Variants in ITIH5 observed in about 807,000 individuals in gnomAD.
The protein encoded by ITIH5 is inter-alpha-trypsin inhibitor heavy chain 5.
Under a neutral mutation model 77.5 loss-of-function variants are expected in ITIH5, and 65 were observed. The ratio of observed to expected loss-of-function variants is 0.84; its 90% confidence interval spans 0.69 to 1.03. The LOEUF is 1.03. Among genes scored for constraint, ITIH5 ranks in the 50% least tolerant of loss-of-function variants. ITIH5 has a pLI of 0.00. For synonymous variants in ITIH5, 525 were observed against 494.3 expected (o/e 1.06, Z -0.82); for missense variants, 1,208 against 1,213.1 (o/e 1.00, Z 0.06).
At position 7,560,834 on chromosome 10, in the gene ITIH5, A is replaced by G. The variant is rs1314062108; in HGVS notation, c.*2249T>C. ...ATGGTGAAACAGGGTCAAAGCAAAC[A>G]AAATGATTCTGGAGGTTCAGTGTAG... is the stretch of plus-strand genomic sequence containing the variant. On this transcript the variant is annotated 3_prime_UTR_variant, in exon 14 of 14. Coordinates refer to ENST00000397146, the MANE Select transcript of ITIH5 (RefSeq NM_030569.7). 1.3e-5 allele frequency: 2 copies of G among 152,202 alleles called. No homozygotes were observed. Among genetic ancestry groups the G allele is most frequent in the African/African-American group, 4.8e-5 (2 of 41,450 alleles). 9.4% of individuals were successfully genotyped at this position (152,202 alleles called of 1,614,324 possible). A position where few individuals can be genotyped will look rare whatever the true frequency, so the allele number is the denominator to read the frequency against.
intron 7 of ITIH5, among the ~76,000 whole-genome samples, chr10:7,603,620 GTCGTCCAGGCTGGAGTGCAGTGGCGCGA>G (rs1456268226): frequency 6.6e-6 from 1 of 152,146 alleles, no homozygotes; most frequent in Non-Finnish European, 1.5e-5. Context: ...GTCTCGCTCT[GTCGTCCAGGCTGGAGTGCAGTGGCGCGA>G]TCTTGGCTCA....
chr10:7,644,945 TATATATCACAC>T (rs1291255641), intron 2 of ITIH5, among the ~76,000 whole-genome samples: 4,006 of 12,778 alleles, frequency 0.31, 383 homozygotes, highest in African/African-American at 0.45. Context: ...ATCACATATA[TATATATCACAC>T]ATATATATAT....
At chr10:7,589,820 T>C (rs1476976000) in intron 7 of ITIH5, among the ~76,000 whole-genome samples, 1 of 151,886 alleles carries the variant, frequency 6.6e-6, no homozygotes, top group African/African-American at 2.4e-5. Context: ...GCAGAAGACA[T>C]TGTCAAGTCT....
chr10:7,565,941 T>C lies in ITIH5; in HGVS notation c.2527+89A>G, dbSNP rs933051981. On this transcript the variant is annotated intron_variant, in intron 13 of 13. Transcript: ENST00000397146. ...ACCACATTCCTATTGAATTTCTCAA[T>C]CAAACGAAAGGTGTTGGCAATATCA... 1.1e-5 allele frequency: 16 copies of C among 1,505,582 alleles called. No homozygotes were observed. The African/African-American group carries it at 2.2e-4, about 21-fold the overall frequency. The allele number at this position is 1,505,582 out of a possible 1,614,324, so 93.3% of individuals were successfully genotyped here. A position where few individuals can be genotyped will look rare whatever the true frequency, so the allele number is the denominator to read the frequency against.
At chr10:7,628,557 C>CCAT (rs1367968110) in intron 5 of ITIH5, among the ~76,000 whole-genome samples, 1 of 148,566 alleles carries the variant, frequency 6.7e-6, no homozygotes, top group Non-Finnish European at 1.5e-5. Context: ...ACCATGTATT[C>CCAT]GTGTTGTGAC....
Position 7,563,681 on chromosome 10 carries a change from G to C in ITIH5, c.2528-297C>G, listed in dbSNP as rs555588576. Among the ~76,000 whole-genome samples the C allele has an allele frequency of 5.8e-4, 88 of 152,220 alleles. 1 individual carries two copies. Among genetic ancestry groups the C allele is most frequent in the Non-Finnish European group, 1.1e-3 (77 of 68,030 alleles). On this transcript the variant is annotated intron_variant, in intron 13 of 13. Transcript: ENST00000397146. ...GTCTCCTACTGAGTCCAGAGGACAG[G>C]ACGGGGCATATGAAGAGGGAAGTAG...
intron 4 of ITIH5, among the ~76,000 whole-genome samples, chr10:7,640,057 T>C (rs1214508275): frequency 7.0e-6 from 1 of 143,010 alleles, no homozygotes; most frequent in Non-Finnish European, 1.5e-5. Context: ...CCTTTCTTTA[T>C]AGCAAAGAGT....
chr10:7,661,313 G>A (rs753349375), intron 1 of ITIH5, among the ~76,000 whole-genome samples: 4 of 152,140 alleles, frequency 2.6e-5, no homozygotes, highest in African/African-American at 7.2e-5. Flanking sequence ...GAAGTCATGC[G>A]TTCCTAGAGG....
At chr10:7,639,388 T>C (rs536115699) in intron 4 of ITIH5, among the ~76,000 whole-genome samples, 5 of 152,354 alleles carry the variant, frequency 3.3e-5, no homozygotes, top group African/African-American at 1.2e-4. Flanking sequence ...AAACGTGGAA[T>C]TTTGTGCCTT....
At chr10:7,641,348 G>C (rs1833881533) in intron 3 of ITIH5, among the ~76,000 whole-genome samples, 2 of 152,036 alleles carry the variant, frequency 1.3e-5, no homozygotes, top group South Asian at 4.2e-4. Flanking sequence ...CTCTTGGTCT[G>C]ACTTGCCATC....
At chr10:7,601,306 C>A (rs1349122511) in intron 7 of ITIH5, among the ~76,000 whole-genome samples, 1 of 152,102 alleles carries the variant, frequency 6.6e-6, no homozygotes, top group Non-Finnish European at 1.5e-5. Context: ...AGAGAGAGGG[C>A]CAGCCCAGGG....
chr10:7,612,495 A>G (rs188907625), intron 7 of ITIH5, among the ~76,000 whole-genome samples: 144 of 152,310 alleles, frequency 9.5e-4, no homozygotes, highest in African/African-American at 3.3e-3. Flanking sequence ...ATTTAATGCC[A>G]TAAGATATAT....
At chr10:7,568,691 G>A (rs1832235440) in intron 12 of ITIH5, among the ~76,000 whole-genome samples, 1 of 152,182 alleles carries the variant, frequency 6.6e-6, no homozygotes, top group Non-Finnish European at 1.5e-5. Context: ...AAGTGCCGGG[G>A]TGCCCACTCC....
At chr10:7,614,343 G>A (rs562285626) in intron 7 of ITIH5, among the ~76,000 whole-genome samples, 16 of 152,288 alleles carry the variant, frequency 1.1e-4, no homozygotes, top group South Asian at 1.0e-3. Context: ...ACATTAGTTC[G>A]ACATTATATT....
chr10:7,576,726 C>G lies in ITIH5; in HGVS notation c.1705G>C (p.Asp569His). Reference protein sequence around the residue: ...SPRPGGDGEGDTNHIERLWSY... With the variant: ...SPRPGGDGEGHTNHIERLWSY... ...CAGAGACGCTCGATGTGGTTGGTGT[C>G]CCCCTCTCCATCGCCTCCAGGCCTG... Residue 569 changes from aspartate to histidine, a missense_variant, in exon 10 of 14, where the codon GAC becomes CAC. Asp to His is a moderately conservative substitution (Grantham distance 81, BLOSUM62 -1). Transcript: ENST00000397146. 1 of 1,613,920 alleles carries G rather than the reference C, an allele frequency of 6.2e-7. No homozygotes were observed. Among genetic ancestry groups the G allele is most frequent in the Non-Finnish European group, 8.5e-7 (1 of 1,179,946 alleles).
Position 7,637,445 on chromosome 10 carries a change from T to A in ITIH5, c.435A>T (p.Ala145=). ...CGGCTTTGTCCTTGCTGGGAATCAC[T>A]GCAGAAGCTCTGAATATTTCAGTCC... is the stretch of plus-strand genomic sequence containing the variant. The part of the protein sequence containing the change: ...EKGTEIFRAS[A]VIPSKDKAAF... The change falls in exon 5 of 14, where the codon GCA becomes GCT. Residue 145 remains alanine (A), a synonymous_variant. Coordinates refer to ENST00000397146, the MANE Select transcript of ITIH5 (RefSeq NM_030569.7). The A allele has an allele frequency of 6.2e-7, 1 of 1,614,098 alleles. No individual in the cohort carries two copies. The highest frequency in any genetic ancestry group is 8.5e-7 in the Non-Finnish European group (1 of 1,179,970).
At chr10:7,644,557 C>CATATATATGATATATCAT (rs1833952345) in intron 2 of ITIH5, among the ~76,000 whole-genome samples, 2 of 137,718 alleles carry the variant, frequency 1.5e-5, no homozygotes, top group South Asian at 2.2e-4. Context: ...TGATATATCA[C>CATATATATGATATATCAT]ATATATATGA....
intron 4 of ITIH5, among the ~76,000 whole-genome samples, chr10:7,640,475 C>T (rs1480229795): frequency 1.3e-5 from 1 of 77,964 alleles, no homozygotes; most frequent in South Asian, 3.8e-4. Context: ...GACCTCATTC[C>T]AAAAAAAAAA....
intron 5 of ITIH5, among the ~76,000 whole-genome samples, chr10:7,632,284 C>T (rs1291367667): frequency 6.6e-6 from 1 of 152,116 alleles, no homozygotes; most frequent in African/African-American, 2.4e-5. Context: ...TCAGCGGTTG[C>T]CTGGGGCTGG....
Sources: gnomAD v4.1 joint callset for allele counts (sites outside exome capture counted in the v4.1 genomes callset) on GRCh38, gnomAD v4.1.1 for gene constraint, MANE v1.5 for transcripts, NCBI Gene and HGNC (gene_info 2026-07-23, HGNC 2026-07-21) for gene names.